Variants in SPAG16 observed in about 807,000 individuals in gnomAD.
SPAG16 encodes the protein sperm-associated antigen 16 protein.
Under a neutral mutation model 80.4 loss-of-function variants are expected in SPAG16, and 86 were observed. The ratio of observed to expected loss-of-function variants is 1.07; its 90% confidence interval spans 0.90 to 1.28. SPAG16 has a LOEUF of 1.28. Ranked by LOEUF, SPAG16 falls within the 50% of genes most tolerant of loss-of-function variation. SPAG16 has a pLI of 0.00. For missense variants in SPAG16, 870 were observed against 765.3 expected (o/e 1.14, Z -1.61); for synonymous variants, 294 against 265.9 (o/e 1.11, Z -1.03).
intron 10 of SPAG16, among the ~76,000 whole-genome samples, chr2:213,702,298 A>G (rs887387428): frequency 2.0e-5 from 3 of 152,340 alleles, no homozygotes; most frequent in East Asian, 1.9e-4. Flanking sequence ...AGGCTGCCCG[A>G]GCCAGCTGCG....
At chr2:214,194,380 C>T (rs1259648215) in intron 15 of SPAG16, among the ~76,000 whole-genome samples, 1 of 152,020 alleles carries the variant, frequency 6.6e-6, no homozygotes, top group Non-Finnish European at 1.5e-5. Flanking sequence ...AAACACTATA[C>T]TTTTACTTTA....
chr2:214,364,403 C>G (rs1053271295), intron 15 of SPAG16, among the ~76,000 whole-genome samples: 6 of 152,224 alleles, frequency 3.9e-5, no homozygotes, highest in Admixed American at 3.3e-4. Context: ...CTCTGTGTTC[C>G]CATAGTACTT....
chr2:213,533,805 T>A (rs1367961033), intron 10 of SPAG16, among the ~76,000 whole-genome samples: 1 of 152,172 alleles, frequency 6.6e-6, no homozygotes. Context: ...TAGTATTTTA[T>A]ATATATTCTT....
intron 10 of SPAG16, among the ~76,000 whole-genome samples, chr2:213,708,207 C>T (rs762285786): frequency 6.6e-6 from 1 of 152,066 alleles, no homozygotes; most frequent in Non-Finnish European, 1.5e-5. Flanking sequence ...CTGTACAAAA[C>T]AAAGATCAGT....
intron 9 of SPAG16, among the ~76,000 whole-genome samples, chr2:213,448,241 C>T (rs1263861233): frequency 6.6e-6 from 1 of 152,210 alleles, no homozygotes; most frequent in Admixed American, 6.5e-5. Context: ...CTCTATCACA[C>T]CATATTCCTA....
intron 10 of SPAG16, among the ~76,000 whole-genome samples, chr2:213,684,790 T>G (rs2064577598): frequency 6.6e-6 from 1 of 152,256 alleles, no homozygotes; most frequent in East Asian, 1.9e-4. Flanking sequence ...TTGTGTTCCC[T>G]GAACTCTGCA....
intron 4 of SPAG16, among the ~76,000 whole-genome samples, chr2:213,313,780 T>C (rs1296185754): frequency 6.6e-6 from 1 of 151,868 alleles, no homozygotes; most frequent in Non-Finnish European, 1.5e-5. Context: ...GCTATATTTT[T>C]CCTGAGAGGG....
At chr2:214,409,670 T>C (rs1702189885) in intron 15 of SPAG16, among the ~76,000 whole-genome samples, 3 of 152,174 alleles carry the variant, frequency 2.0e-5, no homozygotes, top group South Asian at 4.1e-4. Flanking sequence ...CAGGAATGTA[T>C]ATTGAGTTGT....
chr2:214,283,017 T>G (rs1160619619), intron 15 of SPAG16, among the ~76,000 whole-genome samples: 2 of 152,054 alleles, frequency 1.3e-5, no homozygotes, highest in Non-Finnish European at 2.9e-5. Flanking sequence ...TGACTCAGCA[T>G]GAGATATATA....
chr2:213,813,539 G>A (rs2072312404), intron 10 of SPAG16, among the ~76,000 whole-genome samples: 1 of 152,110 alleles, frequency 6.6e-6, no homozygotes, highest in South Asian at 2.1e-4. Flanking sequence ...TCTGCTAGAG[G>A]AGGACAGGAA....
chr2:213,937,669 A>G (rs1016687680), intron 12 of SPAG16, among the ~76,000 whole-genome samples: 2 of 152,024 alleles, frequency 1.3e-5, no homozygotes, highest in Non-Finnish European at 2.9e-5. Flanking sequence ...CCCCCCCAAA[A>G]GTGCATAATT....
At chr2:214,042,705 A>C (rs1169682113) in intron 13 of SPAG16, among the ~76,000 whole-genome samples, 2 of 152,282 alleles carry the variant, frequency 1.3e-5, no homozygotes, top group East Asian at 1.9e-4. Context: ...TGTGCTTCTC[A>C]TTCCTGATTT....
chr2:213,827,030 G>T (rs560377982), intron 10 of SPAG16, among the ~76,000 whole-genome samples: 2 of 151,266 alleles, frequency 1.3e-5, no homozygotes, highest in Non-Finnish European at 3.0e-5. Flanking sequence ...GGTTTCTGTC[G>T]GCATGGAATA....
At chr2:214,399,329 T>A (rs1039545072) in intron 15 of SPAG16, among the ~76,000 whole-genome samples, 6 of 152,132 alleles carry the variant, frequency 3.9e-5, no homozygotes, top group African/African-American at 1.4e-4. Flanking sequence ...ATCTTTTTTT[T>A]ACTATAACTA....
intron 9 of SPAG16, among the ~76,000 whole-genome samples, chr2:213,391,942 C>T (rs1185763956): frequency 6.6e-6 from 1 of 152,130 alleles, no homozygotes; most frequent in African/African-American, 2.4e-5. Context: ...TTGCATGTCC[C>T]CTGTTACATA....
At chr2:214,196,813 T>G (rs937586839) in intron 15 of SPAG16, among the ~76,000 whole-genome samples, 2 of 152,000 alleles carry the variant, frequency 1.3e-5, no homozygotes, top group Admixed American at 1.3e-4. Context: ...ACCTGAAGGA[T>G]AGTATAATGC....
At chr2:214,155,971 T>G (rs2056195400) in intron 15 of SPAG16, among the ~76,000 whole-genome samples, 2 of 152,206 alleles carry the variant, frequency 1.3e-5, no homozygotes, top group South Asian at 4.1e-4. Flanking sequence ...TCTGTAAGTT[T>G]ATGTTATTCT....
At chr2:213,703,489 G>C (rs572900366) in intron 10 of SPAG16, among the ~76,000 whole-genome samples, 4 of 152,158 alleles carry the variant, frequency 2.6e-5, no homozygotes, top group South Asian at 2.1e-4. Context: ...TATTTTTGCA[G>C]ATTCCTCAAT....
intron 10 of SPAG16, among the ~76,000 whole-genome samples, chr2:213,606,371 C>T (rs895475128): frequency 6.6e-6 from 1 of 152,206 alleles, no homozygotes; most frequent in African/African-American, 2.4e-5. Context: ...CACGCTCCCA[C>T]AAGCAATGGA....
Sources: allele counts gnomAD v4.1 joint callset (sites outside exome capture counted in the v4.1 genomes callset), GRCh38; gene constraint gnomAD v4.1.1; transcripts MANE v1.5; gene names NCBI Gene and HGNC (gene_info 2026-07-23, HGNC 2026-07-21).